FMN1: variants seen among roughly 807,000 people sequenced by gnomAD.
FMN1 encodes formin-1.
A neutral mutation model predicts 132.4 loss-of-function variants in FMN1; 110 were observed. The observed-to-expected ratio is 0.83, with a 90% CI of 0.71 to 0.97. The LOEUF (loss-of-function observed/expected upper bound fraction) is 0.97, where lower values mean the gene tolerates loss of function less well. FMN1 is among the 50% of genes least tolerant of loss of function. The probability of loss-of-function intolerance (pLI) is 0.00; values close to 1 mark genes in which losing one functional copy is unlikely to be tolerated. For synonymous variants in FMN1, 722 were observed against 651.7 expected, an observed-to-expected ratio of 1.11 and a Z score of -1.64; for missense variants, 1,792 against 1,705.3, an observed-to-expected ratio of 1.05 and a Z score of -0.90.
At position 33,048,644 on chromosome 15, in the gene FMN1, A is replaced by AAAAAAAAACAAAAACAAAAAC; in HGVS notation, c.2161+16312_2161+16313insGTTTTTGTTTTTGTTTTTTTT. On this transcript the variant is annotated intron_variant, in intron 6 of 20. Coordinates refer to ENST00000616417, the MANE Select transcript of FMN1 (RefSeq NM_001277313.2). ...TGGGCAATTTACCAAAAAAAAAAAA[A>AAAAAAAAACAAAAACAAAAAC]AAAAACCAACAGTTTAATGGACTTA... 5.8e-5 allele frequency among the ~76,000 whole-genome samples: 5 copies of AAAAAAAAACAAAAACAAAAAC among 86,916 alleles called. 1 individual carries two copies. The highest frequency in any genetic ancestry group is 1.6e-4 in the African/African-American group (4 of 24,262). 57.0% of individuals were successfully genotyped at this position (86,916 alleles called of 152,430 possible). A position where few individuals can be genotyped will look rare whatever the true frequency, so the allele number is the denominator to read the frequency against.
Position 33,154,725 on chromosome 15 carries a change from G to A in FMN1, c.190C>T (p.Gln64Ter). The change falls in exon 4 of 21, where the codon CAG becomes TAG. Residue 64 changes from glutamine (Q) to a stop codon, truncating the protein, a stop_gained. Coordinates refer to ENST00000616417, the MANE Select transcript of FMN1 (RefSeq NM_001277313.2). LOFTEE classifies it high-confidence loss of function. ...REESDIISLS[Q>*]EPDEHPGDIF... ...TCGCCTGGATGTTCGTCCGGCTCCT[G>A]GCTGAGGCTGATGATGTCTGACTCC... 2 of 1,536,110 alleles carry A rather than the reference G, an allele frequency of 1.3e-6. No homozygotes were observed. The highest frequency in any genetic ancestry group is 1.7e-6 in the Non-Finnish European group (2 of 1,146,916).
At chr15:33,039,330 A>T (rs1291032201) in intron 6 of FMN1, among the ~76,000 whole-genome samples, 1 of 150,040 alleles carries the variant, frequency 6.7e-6, no homozygotes, top group Non-Finnish European at 1.5e-5. Flanking sequence ...AGATTGGAGC[A>T]GTCAATGCCC....
At position 32,773,952 on chromosome 15, in the gene FMN1, A is replaced by T. The variant is rs185611437; in HGVS notation, c.*358T>A. On this transcript the variant is annotated 3_prime_UTR_variant, in exon 21 of 21. Transcript: ENST00000616417. ...TCAATGATCTTTTCTCTCTTCTGTGACAATGTGACATATATCAAGCTTTGG... is the reference window on the plus strand; with the variant it reads ...TCAATGATCTTTTCTCTCTTCTGTGTCAATGTGACATATATCAAGCTTTGG... 51 of 271,106 alleles carry T rather than the reference A, an allele frequency of 1.9e-4. 3 individuals are homozygous for T. The East Asian group carries it at 2.1e-3, about 11-fold the overall frequency. The allele number at this position is 271,106 out of a possible 1,614,324, so 16.8% of individuals were successfully genotyped here.
At chr15:32,805,823 G>T (rs2057660225) in intron 17 of FMN1, among the ~76,000 whole-genome samples, 1 of 152,122 alleles carries the variant, frequency 6.6e-6, no homozygotes, top group African/African-American at 2.4e-5. Flanking sequence ...ACACCCACAG[G>T]CCCTTTTGGC....
intron 3 of FMN1, among the ~76,000 whole-genome samples, chr15:33,171,898 C>A (rs974149822): frequency 1.3e-5 from 2 of 152,256 alleles, no homozygotes; most frequent in South Asian, 2.1e-4. Flanking sequence ...ATTTCAAACA[C>A]AATGATTCGA....
chr15:32,931,382 G>C (rs868518177), intron 9 of FMN1, among the ~76,000 whole-genome samples: 5 of 152,068 alleles, frequency 3.3e-5, no homozygotes, highest in South Asian at 2.1e-4. Context: ...ATGTTTTATA[G>C]TTTTCAAAAC....
intron 5 of FMN1, among the ~76,000 whole-genome samples, chr15:33,068,630 C>CTTCT (rs2037859731): frequency 6.6e-6 from 1 of 150,894 alleles, no homozygotes; most frequent in Non-Finnish European, 1.5e-5. Context: ...GCCCTTGAAG[C>CTTCT]TTTTTTTAAG....
chr15:32,970,377 TATTTA>T (rs1268548502), intron 7 of FMN1, among the ~76,000 whole-genome samples: 1 of 152,220 alleles, frequency 6.6e-6, no homozygotes, highest in African/African-American at 2.4e-5. Flanking sequence ...TTTGTCAATT[TATTTA>T]ATTTCTGCCT....
chr15:32,832,661 C>A (rs2058529488), intron 17 of FMN1, among the ~76,000 whole-genome samples: 1 of 152,010 alleles, frequency 6.6e-6, no homozygotes, highest in Non-Finnish European at 1.5e-5. Context: ...GCCTGTAATC[C>A]CAGCTACTTG....
intron 9 of FMN1, among the ~76,000 whole-genome samples, chr15:32,950,995 C>CTTA (rs1278413040): frequency 6.6e-6 from 1 of 150,784 alleles, no homozygotes; most frequent in Non-Finnish European, 1.5e-5. Flanking sequence ...TTTTTAAAGT[C>CTTA]TTAATATTGC....
At chr15:32,974,175 A>T (rs1054995626) in intron 7 of FMN1, among the ~76,000 whole-genome samples, 1 of 152,244 alleles carries the variant, frequency 6.6e-6, no homozygotes, top group African/African-American at 2.4e-5. Flanking sequence ...ATTTATTTTT[A>T]GACCAATGTT....
rs544037929 is a variant in FMN1 at position 32,773,587 on chromosome 15, A to G, written c.*723T>C. 6.6e-6 allele frequency: 1 copy of G among 152,342 alleles called. No individual in the cohort carries two copies. The highest frequency in any genetic ancestry group is 2.1e-4 in the South Asian group (1 of 4,828). 9.4% of individuals were successfully genotyped at this position (152,342 alleles called of 1,614,324 possible). A position where few individuals can be genotyped will look rare whatever the true frequency, so the allele number is the denominator to read the frequency against. On this transcript the variant is annotated 3_prime_UTR_variant, in exon 21 of 21. Coordinates refer to ENST00000616417, the MANE Select transcript of FMN1 (RefSeq NM_001277313.2). ...CAGAAAAACCACAAAGGACCGATGT[A>G]AAAACAAGAATGGGCCTCACTTAAC...
chr15:32,996,936 A>T (rs185459404), intron 7 of FMN1, among the ~76,000 whole-genome samples: 1 of 152,202 alleles, frequency 6.6e-6, no homozygotes, highest in Non-Finnish European at 1.5e-5. Flanking sequence ...AGAAGATTAA[A>T]GTTAAAGAAC....
At chr15:32,867,549 G>A (rs182573314) in intron 16 of FMN1, among the ~76,000 whole-genome samples, 1,533 of 151,292 alleles carry the variant, frequency 0.01, 14 homozygotes, top group Non-Finnish European at 0.016. Flanking sequence ...TTTCACCCAG[G>A]CTGGAGTGCA....
At chr15:33,171,301 T>C (rs1429132744) in intron 3 of FMN1, among the ~76,000 whole-genome samples, 1 of 152,130 alleles carries the variant, frequency 6.6e-6, no homozygotes, top group African/African-American at 2.4e-5. Context: ...TGGGCGACAG[T>C]AGAGTAACTA....
At chr15:32,880,332 G>A (rs958368855) in intron 16 of FMN1, among the ~76,000 whole-genome samples, 4 of 151,984 alleles carry the variant, frequency 2.6e-5, no homozygotes, top group African/African-American at 4.8e-5. Flanking sequence ...TGAGCTTAAC[G>A]TTAAATGAAC....
intron 4 of FMN1, among the ~76,000 whole-genome samples, chr15:33,128,371 G>C (rs915200086): frequency 6.6e-6 from 1 of 152,094 alleles, no homozygotes; most frequent in African/African-American, 2.4e-5. Context: ...GGATTCACCA[G>C]CCTCTCTCCG....
intron 17 of FMN1, among the ~76,000 whole-genome samples, chr15:32,821,229 G>T (rs2058208600): frequency 6.6e-6 from 1 of 151,818 alleles, no homozygotes; most frequent in Non-Finnish European, 1.5e-5. Context: ...CCTTTCAGCT[G>T]CCTGGGTAAA....
At chr15:32,782,840 G>A (rs376943827) in intron 19 of FMN1, among the ~76,000 whole-genome samples, 1 of 152,118 alleles carries the variant, frequency 6.6e-6, no homozygotes, top group Non-Finnish European at 1.5e-5. Flanking sequence ...ATGAAATCAC[G>A]TCCATTGCAG....
Sources: gnomAD v4.1 joint callset for allele counts (sites outside exome capture counted in the v4.1 genomes callset) on GRCh38, gnomAD v4.1.1 for gene constraint, MANE v1.5 for transcripts, NCBI Gene and HGNC (gene_info 2026-07-23, HGNC 2026-07-21) for gene names.